Variants in ADAMTSL1 observed in about 807,000 individuals in gnomAD.
ADAMTSL1 encodes the protein ADAMTS-like protein 1.
ADAMTSL1 carries 126 observed loss-of-function variants against 201.8 expected under a neutral mutation model. That is an observed-to-expected ratio of 0.62 (90% CI 0.54 to 0.72). The LOEUF (loss-of-function observed/expected upper bound fraction) is 0.72, where lower values mean the gene tolerates loss of function less well. ADAMTSL1 is among the 30% of genes least tolerant of loss of function. The pLI is 0.00. For missense variants in ADAMTSL1, 2,679 were observed against 2,277.8 expected, an observed-to-expected ratio of 1.18 and a Z score of -3.59; for synonymous variants, 1,121 against 903.4, an observed-to-expected ratio of 1.24 and a Z score of -4.32.
intron 2 of ADAMTSL1, among the ~76,000 whole-genome samples, chr9:18,186,340 A>T (rs1025207553): frequency 2.0e-5 from 3 of 152,106 alleles, no homozygotes; most frequent in Admixed American, 6.6e-5. Flanking sequence ...CTTCCTATAA[A>T]CTTGCTTGAG....
chr9:17,991,344 C>G (rs1819142628), intron 1 of ADAMTSL1, among the ~76,000 whole-genome samples: 1 of 152,028 alleles, frequency 6.6e-6, no homozygotes, highest in African/African-American at 2.4e-5. Flanking sequence ...ACATTTTTAT[C>G]AAAGCAGAGA....
At chr9:18,339,058 A>G (rs932951583) in intron 2 of ADAMTSL1, among the ~76,000 whole-genome samples, 4 of 152,184 alleles carry the variant, frequency 2.6e-5, no homozygotes, top group African/African-American at 9.6e-5. Flanking sequence ...TGTCTTTGCT[A>G]TAGTGAATAG....
At chr9:18,409,119 C>T (rs527300956) in intron 2 of ADAMTSL1, among the ~76,000 whole-genome samples, 2 of 152,034 alleles carry the variant, frequency 1.3e-5, no homozygotes, top group East Asian at 1.9e-4. Context: ...CACAGTGGCT[C>T]ACACCTGTAA....
intron 8 of ADAMTSL1, among the ~76,000 whole-genome samples, chr9:18,661,618 T>G (rs1829097849): frequency 6.6e-6 from 1 of 152,222 alleles, no homozygotes; most frequent in African/African-American, 2.4e-5. Flanking sequence ...CACAGAATTC[T>G]GCATTATATT....
intron 2 of ADAMTSL1, among the ~76,000 whole-genome samples, chr9:18,301,190 C>T (rs912324266): frequency 1.3e-5 from 2 of 152,068 alleles, no homozygotes; most frequent in Non-Finnish European, 2.9e-5. Flanking sequence ...AAGTATGACA[C>T]ACATTCATTA....
chr9:17,999,559 C>T (rs1819526373), intron 1 of ADAMTSL1, among the ~76,000 whole-genome samples: 1 of 151,810 alleles, frequency 6.6e-6, no homozygotes, highest in Admixed American at 6.6e-5. Context: ...TAATCCTCAT[C>T]ATCCTTGATT....
Position 18,312,993 on chromosome 9 carries a change from T to TTA in ADAMTSL1, c.207+149012_207+149013insTA, listed in dbSNP as rs377480641. ...GGATTAAAAGTATAGTCTGTGGAGA[T>TTA]AATAAAGGTTCTTCTTTTATACAGA... On this transcript the variant is annotated intron_variant, in intron 2 of 29. Coordinates refer to the ADAMTSL1 transcript ENST00000680146. Among the ~76,000 whole-genome samples, 176 of 152,326 alleles carry TTA rather than the reference T, an allele frequency of 1.2e-3. 1 individual carries two copies. Among genetic ancestry groups the TTA allele is most frequent in the Middle Eastern group, 3.4e-3 (1 of 294 alleles).
At chr9:18,763,461 T>G (rs1820186283) in intron 16 of ADAMTSL1, among the ~76,000 whole-genome samples, 2 of 152,216 alleles carry the variant, frequency 1.3e-5, no homozygotes, top group Admixed American at 6.6e-5. Flanking sequence ...CGCTTCACTT[T>G]GTTGATTGTT....
At chr9:17,988,687 TCTC>T (rs1458177483) in intron 1 of ADAMTSL1, among the ~76,000 whole-genome samples, 1 of 151,996 alleles carries the variant, frequency 6.6e-6, no homozygotes, top group African/African-American at 2.4e-5. Flanking sequence ...TGATTTAACT[TCTC>T]CTCTGCTGAT....
intron 4 of ADAMTSL1, among the ~76,000 whole-genome samples, chr9:18,600,508 G>T (rs1824577668): frequency 6.6e-6 from 1 of 152,088 alleles, no homozygotes; most frequent in Non-Finnish European, 1.5e-5. Context: ...TGAATTTTAA[G>T]CCCCTGAGAA....
chr9:18,140,009 C>T (rs190358136), intron 1 of ADAMTSL1, among the ~76,000 whole-genome samples: 3 of 152,114 alleles, frequency 2.0e-5, no homozygotes, highest in Non-Finnish European at 4.4e-5. Context: ...ATGTATTGAG[C>T]CAGGCATTGT....
chr9:18,789,414 G>A (rs145035197), intron 19 of ADAMTSL1, among the ~76,000 whole-genome samples: 112 of 152,260 alleles, frequency 7.4e-4, no homozygotes, highest in African/African-American at 2.0e-3. Context: ...GTGGCAAAGC[G>A]GGGATTTGAT....
intron 4 of ADAMTSL1, among the ~76,000 whole-genome samples, chr9:18,605,591 C>T (rs1027807582): frequency 3.3e-5 from 5 of 152,238 alleles, no homozygotes; most frequent in African/African-American, 1.2e-4. Context: ...TTGGTGTAGG[C>T]CCAGAGACAG....
chr9:18,725,713 T>G (rs923229804), intron 15 of ADAMTSL1, among the ~76,000 whole-genome samples: 1 of 152,224 alleles, frequency 6.6e-6, no homozygotes, highest in Non-Finnish European at 1.5e-5. Flanking sequence ...ATACCTTCCC[T>G]TATCACCACC....
intron 1 of ADAMTSL1, among the ~76,000 whole-genome samples, chr9:18,500,033 A>G (rs1822751365): frequency 6.6e-6 from 1 of 152,218 alleles, no homozygotes; most frequent in Non-Finnish European, 1.5e-5. Flanking sequence ...TCTTTCATGT[A>G]TTTGATAACC....
Position 18,214,437 on chromosome 9 carries a change from C to G in ADAMTSL1, c.207+50456C>G, listed in dbSNP as rs572347171. ...GATGTACTTTGTTTTCTGAATCTGT[C>G]TAAATATGGAACATCCCAAGGAAAT... On this transcript the variant is annotated intron_variant, in intron 2 of 29. Transcript: ENST00000680146. 2.7e-4 allele frequency among the ~76,000 whole-genome samples: 41 copies of G among 152,260 alleles called. 1 individual carries two copies. Among genetic ancestry groups the G allele is most frequent in the African/African-American group, 9.4e-4 (39 of 41,548 alleles).
At position 18,777,222 on chromosome 9, in the gene ADAMTSL1, A is replaced by T; in HGVS notation, c.2993A>T (p.Gln998Leu). 1.2e-6 allele frequency: 2 copies of T among 1,612,830 alleles called. No homozygotes were observed. Among genetic ancestry groups the T allele is most frequent in the Non-Finnish European group, 1.7e-6 (2 of 1,179,792 alleles). ...GAGGCCCTGCAGACCCACAAACACC[A>T]GAACGGGATCTTCTCCAACGGCAGC... The part of the protein sequence containing the change: ...PKEALQTHKH[Q>L]NGIFSNGSKA... The change falls in exon 19 of 29, where the codon CAG becomes CTG. Residue 998 changes from glutamine to leucine, a missense_variant. By Grantham distance (113) the Gln-to-Leu change is moderately radical. Transcript: ENST00000380548.
intron 3 of ADAMTSL1, among the ~76,000 whole-genome samples, chr9:18,536,972 G>A (rs1048028577): frequency 4.6e-5 from 7 of 152,088 alleles, no homozygotes; most frequent in Non-Finnish European, 8.8e-5. Context: ...TGGTATTTAG[G>A]AGGCAGTGAC....
At chr9:18,215,155 ATTATG>A (rs1289990848) in intron 2 of ADAMTSL1, among the ~76,000 whole-genome samples, 5 of 152,298 alleles carry the variant, frequency 3.3e-5, no homozygotes, top group East Asian at 1.9e-4. Context: ...ATCATTTATG[ATTATG>A]TTATATTTGA....
Sources: allele counts gnomAD v4.1 joint callset (sites outside exome capture counted in the v4.1 genomes callset), GRCh38; gene constraint gnomAD v4.1.1; transcripts MANE v1.5; gene names NCBI Gene and HGNC (gene_info 2026-07-23, HGNC 2026-07-21).